The following ANKFY1 variants were observed in gnomAD, a reference collection of about 807,000 sequenced individuals.
ANKFY1 encodes ankyrin repeat and FYVE domain containing 1, also known as ankyrin repeat and FYVE domain-containing protein 1.
ANKFY1 carries 47 observed loss-of-function variants against 128.3 expected under a neutral mutation model. The observed-to-expected ratio is 0.37, with a 90% CI of 0.29 to 0.47. The LOEUF is 0.47. Ranked by LOEUF, ANKFY1 falls within the 20% of genes least tolerant of loss-of-function variation. ANKFY1 has a pLI of 1.00. For synonymous variants in ANKFY1, 553 were observed against 601.6 expected, an observed-to-expected ratio of 0.92 and a Z score of 1.18; for missense variants, 1,222 against 1,510.6, an observed-to-expected ratio of 0.81 and a Z score of 3.17.
rs571378244 is a variant in ANKFY1, at chr17:4,247,932, T to C, written c.11-5484A>G. On this transcript the variant is annotated intron_variant, in intron 1 of 24. Transcript: ENST00000341657. ...GTGGTCAAAATATATTAGCTATTAT[T>C]ACAATTCTTAGAAAGGCAACCCGGG... Among the ~76,000 whole-genome samples the C allele has an allele frequency of 4.9e-4, 74 of 152,316 alleles. 1 individual carries two copies. In the South Asian group the frequency reaches 0.015, roughly 31 times the overall value.
At chr17:4,218,868 C>T (rs183637119) in intron 3 of ANKFY1, among the ~76,000 whole-genome samples, 4 of 152,114 alleles carry the variant, frequency 2.6e-5, no homozygotes, top group Admixed American at 2.6e-4. Context: ...CAGAGCAAGA[C>T]CCTGTCTCAA....
Position 4,179,826 on chromosome 17 carries a change from C to T in ANKFY1, c.2292G>A (p.Glu764=), listed in dbSNP as rs780413821. 1.9e-6 allele frequency: 3 copies of T among 1,614,218 alleles called. No individual in the cohort carries two copies. The highest frequency in any genetic ancestry group is 1.3e-5 in the African/African-American group (1 of 75,052). ...GGGTCTGCCCATCTCTAGCCTCTTC[C>T]TCTCCTTCTCCATTGGCGCCTGGTT... ...PRQPGANGEG[E]EEARDGQTPL... Residue 764 remains glutamate (E), a synonymous_variant, in exon 17 of 25, where the codon GAG becomes GAA. Coordinates refer to ENST00000341657, the MANE Select transcript of ANKFY1 (RefSeq NM_001330063.2).
intron 4 of ANKFY1, among the ~76,000 whole-genome samples, chr17:4,211,892 A>G (rs2060137919): frequency 8.8e-6 from 1 of 113,874 alleles, no homozygotes; most frequent in Non-Finnish European, 1.8e-5. Context: ...TCTCAAAAAA[A>G]AAACAAAACA....
Position 4,195,276 on chromosome 17 carries a change from A to G in ANKFY1, c.1173-99T>C. On this transcript the variant is annotated intron_variant, in intron 9 of 24. Coordinates refer to ENST00000341657, the MANE Select transcript of ANKFY1 (RefSeq NM_001330063.2). ...TTTCTCTTTACCCTTTTTCAATGACACATTTTTTTTTAGCTCACTTTAACT... is the reference window on the plus strand; with the variant it reads ...TTTCTCTTTACCCTTTTTCAATGACGCATTTTTTTTTAGCTCACTTTAACT... 4 of 1,225,568 alleles carry G rather than the reference A, an allele frequency of 3.3e-6. No homozygotes were observed. In the East Asian group the frequency reaches 1.0e-4, roughly 32 times the overall value. The allele number at this position is 1,225,568 out of a possible 1,614,324, so 75.9% of individuals were successfully genotyped here. A position where few individuals can be genotyped will look rare whatever the true frequency, so the allele number is the denominator to read the frequency against.
chr17:4,237,523 T>C (rs1966967486), intron 2 of ANKFY1, among the ~76,000 whole-genome samples: 1 of 152,158 alleles, frequency 6.6e-6, no homozygotes, highest in Admixed American at 6.5e-5. Context: ...TTATAAAGTA[T>C]TACATCCTAA....
intron 4 of ANKFY1, 57 bp from the exon 5 acceptor site, chr17:4,210,004 C>G: frequency 1.9e-6 from 3 of 1,543,916 alleles, no homozygotes; most frequent in Non-Finnish European, 2.7e-6. Context: ...CACAAACGAA[C>G]AAACCAAAGC....
chr17:4,197,659 T>G (rs1357131778), intron 7 of ANKFY1, 82 bp from the exon 8 acceptor site: 8 of 1,328,356 alleles, frequency 6.0e-6, no homozygotes, highest in Admixed American at 5.9e-5. Flanking sequence ...AGAAAATGAC[T>G]GCAGACAAAG....
At position 4,167,721 on chromosome 17, in the gene ANKFY1, G is replaced by A. The variant is rs574979502; in HGVS notation, c.*58C>T. On this transcript the variant is annotated 3_prime_UTR_variant, in exon 25 of 25. Transcript: ENST00000341657. This position sits in a 1 kb window ranked among gnomAD's most constrained non-coding sequence, Gnocchi z 4.1. The stretch of plus-strand genomic sequence containing the variant: ...GCTCTGGGTGGGGTCAGGCTGGTGA[G>A]CAGAGCAGCTGCTGGGGAGGTGACC... 6.5e-6 allele frequency: 10 copies of A among 1,539,112 alleles called. No individual in the cohort carries two copies. The highest frequency in any genetic ancestry group is 5.5e-5 in the African/African-American group (4 of 73,074).
chr17:4,249,476 A>C (rs570183546), intron 1 of ANKFY1, among the ~76,000 whole-genome samples: 1 of 152,344 alleles, frequency 6.6e-6, no homozygotes, highest in South Asian at 2.1e-4. Context: ...TAAGGACTGC[A>C]TAAAAACAAG....
At chr17:4,183,938 C>T in intron 12 of ANKFY1, 28 bp from the exon 13 acceptor site, 1 of 1,560,906 alleles carries the variant, frequency 6.4e-7, no homozygotes, top group South Asian at 1.1e-5. Context: ...TAAAAGAACA[C>T]TTGATGTCAC....
intron 1 of ANKFY1, among the ~76,000 whole-genome samples, chr17:4,261,442 T>C (rs1208108460): frequency 6.6e-6 from 1 of 152,164 alleles, no homozygotes; most frequent in Non-Finnish European, 1.5e-5. Context: ...ATTGCGCTAT[T>C]GCACTCCCGC....
chr17:4,217,265 TCGGCCGGGTGCAGTGGCTCA>T (rs1228470182), intron 3 of ANKFY1, 147 bp from the exon 4 acceptor site: 6 of 922,104 alleles, frequency 6.5e-6, no homozygotes, highest in Non-Finnish European at 9.5e-6. Context: ...AAATGGGGAC[TCGGCCGGGTGCAGTGGCTCA>T]CGCCTGTAAT....
At position 4,167,835 on chromosome 17, in the gene ANKFY1, G is replaced by C. The variant is rs753508116; in HGVS notation, c.3454C>G (p.Pro1152Ala). Residue 1152 changes from proline (P) to alanine (A), a missense_variant, in exon 25 of 25, where the codon CCT becomes GCT. Transcript: ENST00000341657. The surrounding 1 kb of genome is among the most constrained non-coding windows in gnomAD (Gnocchi z 4.1). ...IPIIKFDLNK[P>A]VRVCNICFDV... ...AAACAAATGTTGCAAACCCGCACAG[G>C]CTTGTTCAGATCAAACTTTATAATA... is the stretch of plus-strand genomic sequence containing the variant. 9 of 1,613,970 alleles carry C rather than the reference G, an allele frequency of 5.6e-6. No individual in the cohort carries two copies. The highest frequency in any genetic ancestry group is 3.3e-5 in the South Asian group (3 of 91,086).
intron 11 of ANKFY1, 104 bp from the exon 12 acceptor site, chr17:4,185,150 C>T (rs982000894): frequency 1.5e-5 from 14 of 928,582 alleles, no homozygotes; most frequent in East Asian, 5.2e-5. Flanking sequence ...CTCATCCTGC[C>T]GCCAGCTGCC....
Position 4,254,219 on chromosome 17 carries a change from G to A in ANKFY1, c.10+9713C>T, listed in dbSNP as rs182314581. 3.9e-3 allele frequency among the ~76,000 whole-genome samples: 572 copies of A among 148,406 alleles called. 1 individual carries two copies. The highest frequency in any genetic ancestry group is 8.2e-3 in the African/African-American group (325 of 39,532). On this transcript the variant is annotated intron_variant, in intron 1 of 24. Transcript: ENST00000341657. ...CTCGGGAGGCTGAGGCAGGAGAATC[G>A]CCTGAACCTGGGAGGCGGAGGTTGC...
chr17:4,171,629 C>CTCCCTGCTGCCTGTTCCTGTT (rs2059321878), intron 22 of ANKFY1, among the ~76,000 whole-genome samples: 1 of 152,208 alleles, frequency 6.6e-6, no homozygotes. Flanking sequence ...CACGGAGCCC[C>CTCCCTGCTGCCTGTTCCTGTT]TCCCTGCTGC....
intron 11 of ANKFY1, among the ~76,000 whole-genome samples, chr17:4,185,493 A>G (rs1053989564): frequency 1.3e-5 from 2 of 148,998 alleles, no homozygotes; most frequent in Middle Eastern, 3.6e-3. Flanking sequence ...GTGAGCCACC[A>G]CGCCCGGCCC....
rs778815847 is a variant in ANKFY1 at position 4,183,804 on chromosome 17, AG to A, written c.1798+7del. The A allele has an allele frequency of 1.1e-5, 17 of 1,606,844 alleles. No homozygotes were observed. In the South Asian group the frequency reaches 1.9e-4, roughly 18 times the overall value. On this transcript the variant is annotated splice_region_variant and intron_variant, in intron 13 of 24. Coordinates refer to ENST00000341657, the MANE Select transcript of ANKFY1 (RefSeq NM_001330063.2). ...CTGCAGACATCAGCGGCCCCGGCAC[AG>A]CCTTACCAGTCCATAATGCCAGGCC...
intron 7 of ANKFY1, among the ~76,000 whole-genome samples, chr17:4,204,356 G>A (rs748664421): frequency 1.3e-5 from 2 of 152,182 alleles, no homozygotes; most frequent in Non-Finnish European, 2.9e-5. Context: ...TAAGGAAGAC[G>A]TAGAATGTGA....
Sources: allele counts gnomAD v4.1 joint callset (sites outside exome capture counted in the v4.1 genomes callset), GRCh38; gene constraint gnomAD v4.1.1; non-coding constraint Gnocchi (gnomAD v3.1); transcripts MANE v1.5; gene names NCBI Gene and HGNC (gene_info 2026-07-23, HGNC 2026-07-21).